RCAN2: variants seen among roughly 807,000 people sequenced by gnomAD.
RCAN2 encodes the protein regulator of calcineurin 2.
In RCAN2, 9 loss-of-function variants were observed where a neutral mutation model predicts 23.6. That is an observed-to-expected ratio of 0.38 (90% CI 0.23 to 0.67). The LOEUF is 0.67. RCAN2 is among the 30% of genes least tolerant of loss of function. The probability of loss-of-function intolerance (pLI) is 0.51; values close to 1 mark genes in which losing one functional copy is unlikely to be tolerated. For missense variants in RCAN2, 273 were observed against 302.3 expected, an observed-to-expected ratio of 0.90 and a Z score of 0.72; for synonymous variants, 109 against 115.7, an observed-to-expected ratio of 0.94 and a Z score of 0.37.
At chr6:46,338,973 C>A (rs571499323) in intron 2 of RCAN2, among the ~76,000 whole-genome samples, 2 of 133,840 alleles carry the variant, frequency 1.5e-5, no homozygotes, top group Non-Finnish European at 3.1e-5. Flanking sequence ...CAAGCTCATG[C>A]CACTAGACTC....
chr6:46,437,390 C>T (rs954204134), intron 2 of RCAN2, among the ~76,000 whole-genome samples: 1 of 152,162 alleles, frequency 6.6e-6, no homozygotes, highest in East Asian at 1.9e-4. Flanking sequence ...AATAAGGGAT[C>T]TATAGTCACT....
intron 2 of RCAN2, among the ~76,000 whole-genome samples, chr6:46,315,422 T>C (rs1470979461): frequency 6.6e-6 from 1 of 151,920 alleles, no homozygotes; most frequent in Non-Finnish European, 1.5e-5. Flanking sequence ...GTAGGTGTGG[T>C]AGTCAGGAAC....
intron 2 of RCAN2, among the ~76,000 whole-genome samples, chr6:46,343,338 G>C (rs1267850095): frequency 6.6e-6 from 1 of 151,398 alleles, no homozygotes; most frequent in Non-Finnish European, 1.5e-5. Flanking sequence ...TGTATTTCAC[G>C]TGAGAATGTA....
rs147708794 is a variant in RCAN2, at chr6:46,468,638, G to A, written c.-2-11660C>T. ...TTTTACATCTCCTTCCATATGTTGA[G>A]CATACTTGCTTCTTCCTATAATGCT... is the stretch of plus-strand genomic sequence containing the variant. On this transcript the variant is annotated intron_variant, in intron 1 of 4. Coordinates refer to ENST00000371374, the MANE Select transcript of RCAN2 (RefSeq NM_001251974.2). 7.5e-3 allele frequency among the ~76,000 whole-genome samples: 1,135 copies of A among 152,330 alleles called. 7 individuals carry two copies. Among genetic ancestry groups the A allele is most frequent in the Non-Finnish European group, 0.011 (748 of 68,034 alleles).
intron 1 of RCAN2, among the ~76,000 whole-genome samples, chr6:46,464,212 A>C (rs1554143285): frequency 6.6e-6 from 1 of 152,228 alleles, no homozygotes; most frequent in Non-Finnish European, 1.5e-5. Context: ...ATTGAATATA[A>C]GGTTAAATGA....
intron 2 of RCAN2, among the ~76,000 whole-genome samples, chr6:46,301,754 C>A (rs569833447): frequency 1.3e-5 from 2 of 152,046 alleles, no homozygotes; most frequent in African/African-American, 2.4e-5. Flanking sequence ...AAAAAGGAAC[C>A]AACCACATAG....
At chr6:46,470,022 TC>T (rs1768515078) in intron 1 of RCAN2, among the ~76,000 whole-genome samples, 1 of 152,216 alleles carries the variant, frequency 6.6e-6, no homozygotes, top group African/African-American at 2.4e-5. Flanking sequence ...ATCTTAGACT[TC>T]CCAGCCTTCA....
intron 1 of RCAN2, among the ~76,000 whole-genome samples, chr6:46,470,735 C>T (rs1201062395): frequency 2.6e-5 from 4 of 152,338 alleles, no homozygotes; most frequent in South Asian, 4.1e-4. Flanking sequence ...TGTACAATTA[C>T]TTCAAATAGT....
At chr6:46,404,971 T>G (rs1261380265) in intron 2 of RCAN2, among the ~76,000 whole-genome samples, 1 of 152,222 alleles carries the variant, frequency 6.6e-6, no homozygotes, top group Non-Finnish European at 1.5e-5. Flanking sequence ...CAATAAAATA[T>G]GACACTGATA....
intron 1 of RCAN2, among the ~76,000 whole-genome samples, chr6:46,464,424 TGG>T (rs1414008549): frequency 1.3e-5 from 2 of 152,168 alleles, no homozygotes; most frequent in Non-Finnish European, 2.9e-5. Flanking sequence ...GCTTTAGAAG[TGG>T]GATCTTTTTG....
intron 2 of RCAN2, among the ~76,000 whole-genome samples, chr6:46,263,539 A>ATGTGTGTGTGTGTGTGTGTGTGTGTGTG (rs59953064): frequency 1.2e-5 from 1 of 82,374 alleles, no homozygotes. Context: ...GTGTGTGTGT[A>ATGTGTGTGTGTGTGTGTGTGTGTGTGTG]TGTGTGTGTG....
chr6:46,457,669 C>A (rs372227695), intron 1 of RCAN2, among the ~76,000 whole-genome samples: 18 of 152,178 alleles, frequency 1.2e-4, no homozygotes, highest in Admixed American at 2.6e-4. Context: ...ACACCACACA[C>A]ACACACCTCC....
At chr6:46,357,961 C>T (rs1764892900) in intron 2 of RCAN2, among the ~76,000 whole-genome samples, 1 of 152,182 alleles carries the variant, frequency 6.6e-6, no homozygotes, top group Non-Finnish European at 1.5e-5. Flanking sequence ...CTTTCCCTCA[C>T]CAGAGGATAC....
At chr6:46,232,938 A>G (rs1451064526) in intron 4 of RCAN2, among the ~76,000 whole-genome samples, 1 of 152,186 alleles carries the variant, frequency 6.6e-6, no homozygotes, top group Admixed American at 6.5e-5. Context: ...TGGAACTCCC[A>G]GCAAGAGGCT....
Position 46,486,404 on chromosome 6 carries a change from T to C in RCAN2, c.-3+4769A>G, listed in dbSNP as rs577786370. Among the ~76,000 whole-genome samples the C allele has an allele frequency of 1.4e-4, 21 of 152,316 alleles. No individual in the cohort carries two copies. The South Asian group carries it at 3.9e-3, about 29-fold the overall frequency. On this transcript the variant is annotated intron_variant, in intron 1 of 4. Coordinates refer to ENST00000371374, the MANE Select transcript of RCAN2 (RefSeq NM_001251974.2). ...GGTCAATGGGAAGCTCAAGGTCACATAGCAGGGAAATGACAGCACCAGGAT... is the reference window on the plus strand; with the variant it reads ...GGTCAATGGGAAGCTCAAGGTCACACAGCAGGGAAATGACAGCACCAGGAT...
chr6:46,453,517 G>T (rs1016876050), intron 2 of RCAN2, among the ~76,000 whole-genome samples: 4 of 152,180 alleles, frequency 2.6e-5, no homozygotes, highest in Non-Finnish European at 4.4e-5. Flanking sequence ...ATGTGCTTTA[G>T]GTGTCAGAAC....
chr6:46,356,364 C>T (rs539304774), intron 2 of RCAN2, among the ~76,000 whole-genome samples: 1 of 152,264 alleles, frequency 6.6e-6, no homozygotes, highest in African/African-American at 2.4e-5. Context: ...CCCTCAAGCC[C>T]AGTGAAAACT....
intron 2 of RCAN2, among the ~76,000 whole-genome samples, chr6:46,376,554 C>T (rs1324003818): frequency 6.6e-6 from 1 of 151,962 alleles, no homozygotes; most frequent in Non-Finnish European, 1.5e-5. Context: ...GTGGTGTGCA[C>T]CTATAGTCCC....
rs1040003847 is a variant in RCAN2, at chr6:46,458,557, C to T, written c.-2-1579G>A. Among the ~76,000 whole-genome samples, 8 of 151,998 alleles carry T rather than the reference C, an allele frequency of 5.3e-5. No homozygotes were observed. The East Asian group carries it at 5.8e-4, about 11-fold the overall frequency. On this transcript the variant is annotated intron_variant, in intron 1 of 4. Coordinates refer to ENST00000371374, the MANE Select transcript of RCAN2 (RefSeq NM_001251974.2). Reference sequence around the variant, plus strand: ...CCAAAGTTCTTCAAACTCCAATTAGCGCATTTCCATATTTAAATCAACAAA... The same window carrying T: ...CCAAAGTTCTTCAAACTCCAATTAGTGCATTTCCATATTTAAATCAACAAA...
Sources: gnomAD v4.1 joint callset for allele counts (sites outside exome capture counted in the v4.1 genomes callset) on GRCh38, gnomAD v4.1.1 for gene constraint, MANE v1.5 for transcripts, NCBI Gene and HGNC (gene_info 2026-07-23, HGNC 2026-07-21) for gene names.